Variants in IQGAP2 observed in about 807,000 individuals in gnomAD.
IQGAP2 encodes the protein IQ motif containing GTPase activating protein 2.
A neutral mutation model predicts 201.3 loss-of-function variants in IQGAP2; 173 were observed. That is an observed-to-expected ratio of 0.86 (90% CI 0.76 to 0.98). IQGAP2 has a LOEUF of 0.98. Among genes scored for constraint, IQGAP2 ranks in the 50% least tolerant of loss-of-function variants. The probability of loss-of-function intolerance (pLI) is 0.00; values close to 1 mark genes in which losing one functional copy is unlikely to be tolerated. For missense variants in IQGAP2, 1,687 were observed against 1,864.8 expected, an observed-to-expected ratio of 0.90 and a Z score of 1.76; for synonymous variants, 675 against 673.9, an observed-to-expected ratio of 1.00 and a Z score of -0.03.
At chr5:76,706,200 T>A (rs1292119805) in intron 35 of IQGAP2, among the ~76,000 whole-genome samples, 1 of 152,186 alleles carries the variant, frequency 6.6e-6, no homozygotes, top group African/African-American at 2.4e-5. Context: ...CGTGCTGTAT[T>A]ATATACCAAA....
intron 1 of IQGAP2, among the ~76,000 whole-genome samples, chr5:76,437,513 C>A (rs1307563150): frequency 2.0e-5 from 3 of 152,116 alleles, no homozygotes; most frequent in Non-Finnish European, 4.4e-5. Flanking sequence ...GCTATTTATC[C>A]TGATAAATAG....
At chr5:76,532,197 A>C (rs1759340726) in intron 2 of IQGAP2, among the ~76,000 whole-genome samples, 2 of 152,264 alleles carry the variant, frequency 1.3e-5, no homozygotes, top group Non-Finnish European at 2.9e-5. Context: ...ATGTTCATGA[A>C]GTATGTTTCC....
intron 30 of IQGAP2, among the ~76,000 whole-genome samples, chr5:76,684,243 A>G (rs2150516812): frequency 6.6e-6 from 1 of 152,318 alleles, no homozygotes; most frequent in Non-Finnish European, 1.5e-5. Flanking sequence ...TGGCCAGAAG[A>G]TTAGTGAGGA....
intron 22 of IQGAP2, among the ~76,000 whole-genome samples, chr5:76,666,377 T>C (rs748416645): frequency 6.6e-6 from 1 of 152,220 alleles, no homozygotes; most frequent in Non-Finnish European, 1.5e-5. Context: ...TAGGCACTTA[T>C]CATTTTTTAC....
intron 2 of IQGAP2, among the ~76,000 whole-genome samples, chr5:76,509,984 C>CTTTTTTTTTTTTTTT (rs11331690): frequency 1.4e-5 from 2 of 138,048 alleles, no homozygotes; most frequent in African/African-American, 2.7e-5. Context: ...AATTTTCTTT[C>CTTTTTTTTTTTTTTT]TTTTTTTTTT....
chr5:76,519,049 T>G (rs34628233), intron 2 of IQGAP2, among the ~76,000 whole-genome samples: 13,138 of 152,164 alleles, frequency 0.086, 1,083 homozygotes, highest in East Asian at 0.45. Flanking sequence ...TTTCAAATCT[T>G]TTTCCATCTC....
intron 1 of IQGAP2, among the ~76,000 whole-genome samples, chr5:76,438,710 T>C (rs936624713): frequency 2.6e-5 from 4 of 152,220 alleles, no homozygotes; most frequent in African/African-American, 9.6e-5. Context: ...CCCAAAGTGC[T>C]GTGATTGCAG....
At chr5:76,493,604 A>ACC in intron 2 of IQGAP2, among the ~76,000 whole-genome samples, 1 of 151,004 alleles carries the variant, frequency 6.6e-6, no homozygotes, top group Non-Finnish European at 1.5e-5. Flanking sequence ...TGCTCCCCCC[A>ACC]CCCCATAGGT....
intron 5 of IQGAP2, among the ~76,000 whole-genome samples, chr5:76,576,467 T>G (rs1158748815): frequency 6.6e-6 from 1 of 152,232 alleles, no homozygotes; most frequent in Admixed American, 6.5e-5. Flanking sequence ...TTGTGGCTGT[T>G]GTCTTGAATG....
At chr5:76,510,607 C>T (rs1041531151) in intron 2 of IQGAP2, 1 of 509,142 alleles carries the variant, frequency 2.0e-6, no homozygotes, top group Admixed American at 2.1e-5. Flanking sequence ...CATCGATGTC[C>T]TCTAGATCAG....
In IQGAP2 at chr5:76,707,271, C is replaced by A; in HGVS notation, c.4686C>A (p.Asn1562Lys). Residue 1562 changes from asparagine (N) to lysine (K), a missense_variant, in exon 36 of 36, where the codon AAC becomes AAA. Physicochemically the swap from Asn to Lys is moderately conservative, Grantham distance 94. Coordinates refer to ENST00000274364, the MANE Select transcript of IQGAP2 (RefSeq NM_006633.5). ...KMFDKVKVNV[N>K]LLIYLLNKKF... ...TTGATAAGGTTAAAGTGAATGTAAA[C>A]CTTCTCATATACCTGCTGAACAAGA... The A allele has an allele frequency of 1.9e-6, 3 of 1,581,728 alleles. No homozygotes were observed. Among genetic ancestry groups the A allele is most frequent in the Non-Finnish European group, 2.6e-6 (3 of 1,150,682 alleles).
At chr5:76,682,001 G>A (rs540546570) in intron 28 of IQGAP2, among the ~76,000 whole-genome samples, 1 of 152,286 alleles carries the variant, frequency 6.6e-6, no homozygotes, top group Admixed American at 6.5e-5. Flanking sequence ...CTTATCTAAG[G>A]TACCTAGAGT....
chr5:76,544,022 G>C (rs1233901202), intron 2 of IQGAP2, among the ~76,000 whole-genome samples: 1 of 152,112 alleles, frequency 6.6e-6, no homozygotes, highest in Non-Finnish European at 1.5e-5. Flanking sequence ...ATTTACTGTG[G>C]ATAGCAGTTA....
At chr5:76,470,720 A>C (rs535982624) in intron 2 of IQGAP2, among the ~76,000 whole-genome samples, 4 of 152,042 alleles carry the variant, frequency 2.6e-5, no homozygotes, top group African/African-American at 9.6e-5. Flanking sequence ...AACTCCCTTG[A>C]TTTTTTTTAA....
chr5:76,660,633 T>A (rs980150328), intron 21 of IQGAP2, among the ~76,000 whole-genome samples: 2 of 152,182 alleles, frequency 1.3e-5, no homozygotes, highest in Non-Finnish European at 2.9e-5. Context: ...ATGCTTGAGG[T>A]TTTGTGGGGG....
intron 13 of IQGAP2, chr5:76,618,470 A>G: frequency 5.0e-6 from 8 of 1,614,168 alleles, no homozygotes; most frequent in Non-Finnish European, 6.8e-6. Context: ...CATTTTTCAC[A>G]TGGAGATGTG....
chr5:76,677,513 T>A, intron 28 of IQGAP2, 163 bp downstream of exon 28: 1 of 478,126 alleles, frequency 2.1e-6, no homozygotes, highest in Non-Finnish European at 3.5e-6. Flanking sequence ...TCTTATACAT[T>A]AATAAAACTC....
intron 1 of IQGAP2, among the ~76,000 whole-genome samples, chr5:76,443,842 T>C (rs1753199351): frequency 6.6e-6 from 1 of 152,256 alleles, no homozygotes; most frequent in Non-Finnish European, 1.5e-5. Flanking sequence ...TTTCATGAGA[T>C]ACTTATATAA....
In IQGAP2 at chr5:76,695,640, C is replaced by T; in HGVS notation, c.4180C>T (p.Gln1394Ter). Residue 1394 changes from glutamine to a stop codon, truncating the protein, a stop_gained, in exon 32 of 36, where the codon CAA becomes TAA. Transcript: ENST00000274364. LOFTEE classifies it high-confidence loss of function. ...TGHVSSENKY[Q>*]DILNEIAKDI... ...ACACGTGTCATCCGAAAATAAATACCAAGACATTCTCAATGAGATTGCCAA... is the reference window on the plus strand; with the variant it reads ...ACACGTGTCATCCGAAAATAAATACTAAGACATTCTCAATGAGATTGCCAA... 1 of 1,613,908 alleles carries T rather than the reference C, an allele frequency of 6.2e-7. No homozygotes were observed. The highest frequency in any genetic ancestry group is 8.5e-7 in the Non-Finnish European group (1 of 1,179,890).
Sources: gnomAD v4.1 joint callset for allele counts (sites outside exome capture counted in the v4.1 genomes callset) on GRCh38, gnomAD v4.1.1 for gene constraint, MANE v1.5 for transcripts, NCBI Gene and HGNC (gene_info 2026-07-23, HGNC 2026-07-21) for gene names.